Variants in LTBP1 observed in about 807,000 individuals in gnomAD.
LTBP1 encodes the protein latent transforming growth factor beta binding protein 1, also known as latent-transforming growth factor beta-binding protein 1.
LTBP1 carries 129 observed loss-of-function variants against 207.6 expected under a neutral mutation model. The ratio of observed to expected loss-of-function variants is 0.62; its 90% CI spans 0.54 to 0.72. LTBP1 has a LOEUF of 0.72. Among genes scored for constraint, LTBP1 ranks in the 30% least tolerant of loss-of-function variants. The pLI is 0.00. For synonymous variants in LTBP1, 963 were observed against 833.7 expected (o/e 1.16, Z -2.67); for missense variants, 2,281 against 2,217.2 (o/e 1.03, Z -0.58).
intron 2 of LTBP1, among the ~76,000 whole-genome samples, chr2:32,976,924 C>T (rs116503416): frequency 1.4e-3 from 213 of 152,318 alleles, no homozygotes; most frequent in African/African-American, 5.0e-3. Flanking sequence ...TGGGTGCTTC[C>T]TGGGGGAATA....
chr2:33,015,554 G>A (rs989265294), intron 2 of LTBP1, among the ~76,000 whole-genome samples: 4 of 139,434 alleles, frequency 2.9e-5, no homozygotes, highest in African/African-American at 1.0e-4. Context: ...GGAGAGAACT[G>A]TAAGAAGTTG....
chr2:33,355,083 G>A (rs985223038), intron 26 of LTBP1, among the ~76,000 whole-genome samples: 4 of 151,982 alleles, frequency 2.6e-5, no homozygotes, highest in Admixed American at 6.6e-5. Flanking sequence ...CCTTTTAAAC[G>A]TTTCCATACA....
intron 10 of LTBP1, among the ~76,000 whole-genome samples, chr2:33,248,428 A>G (rs985567400): frequency 6.6e-6 from 1 of 152,194 alleles, no homozygotes; most frequent in Non-Finnish European, 1.5e-5. Flanking sequence ...CACAAGCTGA[A>G]CCTTTAATCA....
At chr2:33,245,175 C>T (rs180987634) in intron 10 of LTBP1, among the ~76,000 whole-genome samples, 2 of 152,262 alleles carry the variant, frequency 1.3e-5, no homozygotes, top group East Asian at 1.9e-4. Flanking sequence ...CCACCATGCC[C>T]GGCCACTTTT....
intron 3 of LTBP1, among the ~76,000 whole-genome samples, chr2:33,035,070 G>A (rs746619494): frequency 6.6e-6 from 1 of 152,138 alleles, no homozygotes; most frequent in Non-Finnish European, 1.5e-5. Context: ...TTCTTTGGAT[G>A]CCGTAGCCGA....
intron 7 of LTBP1, among the ~76,000 whole-genome samples, chr2:33,190,171 A>G (rs777414569): frequency 2.0e-5 from 3 of 152,342 alleles, no homozygotes; most frequent in African/African-American, 7.2e-5. Context: ...CATAGCGAAG[A>G]CAACCTAAAA....
At chr2:33,077,143 C>A (rs944323328) in intron 3 of LTBP1, among the ~76,000 whole-genome samples, 1 of 152,080 alleles carries the variant, frequency 6.6e-6, no homozygotes, top group African/African-American at 2.4e-5. Flanking sequence ...GGAGAATGTT[C>A]CATATAAGCT....
rs73925681 is a variant in LTBP1, at chr2:33,315,564, G to A, written c.3730+295G>A. Among the ~76,000 whole-genome samples, 337 of 152,282 alleles carry A rather than the reference G, an allele frequency of 2.2e-3. 1 individual carries two copies. The highest frequency in any genetic ancestry group is 7.3e-3 in the African/African-American group (302 of 41,560). On this transcript the variant is annotated intron_variant, in intron 24 of 33. Transcript: ENST00000404816. ...TAGGAGACATGTAGGAGACCTAAAG[G>A]AAAACTGTGGCAACTTCCCTTTCCC...
At chr2:33,093,850 G>A (rs1267085815) in intron 3 of LTBP1, among the ~76,000 whole-genome samples, 3 of 151,768 alleles carry the variant, frequency 2.0e-5, no homozygotes, top group African/African-American at 7.3e-5. Flanking sequence ...ACTTGCCTTG[G>A]CATTCATAAG....
intron 7 of LTBP1, among the ~76,000 whole-genome samples, chr2:33,197,555 T>TA (rs2088700127): frequency 6.6e-6 from 1 of 152,232 alleles, no homozygotes; most frequent in Admixed American, 6.5e-5. Context: ...CTTTTTTACA[T>TA]AAAAATCAAT....
At chr2:33,328,368 G>A (rs908886367) in intron 24 of LTBP1, among the ~76,000 whole-genome samples, 6 of 151,990 alleles carry the variant, frequency 3.9e-5, no homozygotes, top group African/African-American at 1.5e-4. Context: ...CGTTCTGCCT[G>A]GTGTATTAGT....
chr2:33,146,858 G>T (rs1572852147), intron 5 of LTBP1, among the ~76,000 whole-genome samples: 1 of 152,224 alleles, frequency 6.6e-6, no homozygotes, highest in South Asian at 2.1e-4. Flanking sequence ...GGCCCCTCCT[G>T]GGCCCGGGGA....
At chr2:33,288,524 T>A (rs2093709682) in intron 19 of LTBP1, among the ~76,000 whole-genome samples, 1 of 152,240 alleles carries the variant, frequency 6.6e-6, no homozygotes, top group Non-Finnish European at 1.5e-5. Context: ...TACCAGAGGA[T>A]ACGGAGAGAG....
chr2:33,089,862 G>A (rs760591994), intron 3 of LTBP1, among the ~76,000 whole-genome samples: 2 of 152,108 alleles, frequency 1.3e-5, no homozygotes, highest in East Asian at 1.9e-4. Context: ...TGCAGTAAAC[G>A]TATACCAAAT....
At chr2:33,076,912 T>C (rs542728) in intron 3 of LTBP1, among the ~76,000 whole-genome samples, 116,234 of 152,094 alleles carry the variant, frequency 0.76, 46,250 homozygotes, top group East Asian at 0.98. Context: ...AGAGGGCATC[T>C]GTTCAGTGAG....
chr2:33,025,464 C>G (rs560647834), intron 3 of LTBP1, among the ~76,000 whole-genome samples: 1 of 152,216 alleles, frequency 6.6e-6, no homozygotes, highest in East Asian at 1.9e-4. Flanking sequence ...AATGGAAGGA[C>G]GCCTCGTAGC....
chr2:33,096,190 A>G (rs1054220462), intron 3 of LTBP1, among the ~76,000 whole-genome samples: 2 of 152,236 alleles, frequency 1.3e-5, no homozygotes, highest in African/African-American at 4.8e-5. Flanking sequence ...ACTTCTCATC[A>G]GGTACAAAGT....
intron 7 of LTBP1, among the ~76,000 whole-genome samples, chr2:33,205,922 A>C (rs1465266764): frequency 1.3e-5 from 2 of 152,122 alleles, no homozygotes; most frequent in Non-Finnish European, 2.9e-5. Flanking sequence ...GATGGCAGCC[A>C]CCCACAAGCT....
intron 2 of LTBP1, among the ~76,000 whole-genome samples, chr2:32,952,436 G>A (rs539624745): frequency 3.3e-5 from 5 of 152,272 alleles, no homozygotes; most frequent in African/African-American, 4.8e-5. Context: ...CGAAATTATC[G>A]TGTGGGATGT....
Sources: allele counts gnomAD v4.1 joint callset (sites outside exome capture counted in the v4.1 genomes callset), GRCh38; gene constraint gnomAD v4.1.1; transcripts MANE v1.5; gene names NCBI Gene and HGNC (gene_info 2026-07-23, HGNC 2026-07-21).